The following RMDN2 variants were observed in gnomAD, a reference collection of about 807,000 sequenced individuals.
RMDN2 encodes the protein regulator of microtubule dynamics protein 2.
A neutral mutation model predicts 52.8 loss-of-function variants in RMDN2; 61 were observed. The ratio of observed to expected loss-of-function variants is 1.16; its 90% CI spans 0.94 to 1.43. The LOEUF is 1.43. Among genes scored for constraint, RMDN2 ranks in the 40% most tolerant of loss-of-function variants. RMDN2 has a pLI of 0.00. For synonymous variants in RMDN2, 180 were observed against 153.1 expected, an observed-to-expected ratio of 1.18 and a Z score of -1.30; for missense variants, 592 against 475.3, an observed-to-expected ratio of 1.25 and a Z score of -2.28.
At chr2:38,009,039 C>G (rs931894535) in intron 10 of RMDN2, among the ~76,000 whole-genome samples, 12 of 152,208 alleles carry the variant, frequency 7.9e-5, no homozygotes, top group Admixed American at 3.3e-4. Flanking sequence ...GGCCCCCACT[C>G]TCTTCTGGCT....
chr2:38,021,356 G>A (rs921152426), downstream of RMDN2, among the ~76,000 whole-genome samples: 3 of 152,240 alleles, frequency 2.0e-5, no homozygotes, highest in South Asian at 2.1e-4. Context: ...AAAGGCTGCC[G>A]GAACCAGCAG....
chr2:38,026,232 C>T (rs1679772215), intron 10 of RMDN2, among the ~76,000 whole-genome samples: 1 of 152,080 alleles, frequency 6.6e-6, no homozygotes, highest in Non-Finnish European at 1.5e-5. Flanking sequence ...TTTAAGTTGT[C>T]AAATTTGTTG....
intron 4 of RMDN2, chr2:37,976,387 T>G (rs1291960114): frequency 1.3e-5 from 2 of 152,248 alleles, no homozygotes; most frequent in Non-Finnish European, 2.9e-5. Flanking sequence ...AATTCTTCAT[T>G]TATTCCGAAG....
At chr2:38,026,761 C>A (rs1163583831) in intron 10 of RMDN2, among the ~76,000 whole-genome samples, 3 of 152,138 alleles carry the variant, frequency 2.0e-5, no homozygotes, top group Admixed American at 6.5e-5. Context: ...TAGTCCACTT[C>A]CTTTCTACTA....
intron 2 of RMDN2, among the ~76,000 whole-genome samples, chr2:37,942,709 C>G (rs1028835737): frequency 4.6e-5 from 7 of 152,152 alleles, no homozygotes; most frequent in Non-Finnish European, 7.3e-5. Flanking sequence ...ATTTAGTCCT[C>G]TCCTATGAAT....
chr2:37,957,593 T>A (rs1669647813), intron 2 of RMDN2, among the ~76,000 whole-genome samples: 1 of 152,184 alleles, frequency 6.6e-6, no homozygotes, highest in Admixed American at 6.5e-5. Context: ...ATTCTGTAGG[T>A]TGCCTGTTCA....
intron 10 of RMDN2, among the ~76,000 whole-genome samples, chr2:38,012,941 G>A (rs1439894626): frequency 1.3e-5 from 2 of 152,180 alleles, no homozygotes; most frequent in Non-Finnish European, 2.9e-5. Flanking sequence ...CATGTCTTCT[G>A]TCCCCTATTA....
chr2:37,979,568 CA>C (rs1673030788), intron 4 of RMDN2, among the ~76,000 whole-genome samples: 1 of 152,172 alleles, frequency 6.6e-6, no homozygotes. Context: ...TATCATTATG[CA>C]GTATGTTTCT....
At chr2:37,939,565 C>T (rs535794890) in intron 2 of RMDN2, among the ~76,000 whole-genome samples, 1 of 152,274 alleles carries the variant, frequency 6.6e-6, no homozygotes, top group East Asian at 1.9e-4. Context: ...CTTTATGAAT[C>T]TGGGTGCTCT....
At chr2:38,007,861 C>G (rs751477003) in intron 10 of RMDN2, among the ~76,000 whole-genome samples, 3 of 152,156 alleles carry the variant, frequency 2.0e-5, no homozygotes, top group Non-Finnish European at 4.4e-5. Context: ...AAATTTCCCT[C>G]TACACACTGC....
chr2:38,013,175 G>A (rs1325130715), intron 10 of RMDN2, among the ~76,000 whole-genome samples: 1 of 152,160 alleles, frequency 6.6e-6, no homozygotes, highest in Non-Finnish European at 1.5e-5. Context: ...GACAGTGTGA[G>A]AACGATTGCT....
intron 4 of RMDN2, among the ~76,000 whole-genome samples, chr2:37,977,498 G>A (rs187968483): frequency 0.13 from 19,937 of 151,504 alleles, 1,484 homozygotes; most frequent in Non-Finnish European, 0.17. Flanking sequence ...GGCGGCTGCC[G>A]GGCGGAGACG....
At chr2:37,930,992 C>T (rs114221817) in intron 2 of RMDN2, among the ~76,000 whole-genome samples, 33 of 151,632 alleles carry the variant, frequency 2.2e-4, no homozygotes, top group African/African-American at 6.3e-4. Context: ...ACAGGCCCAG[C>T]GCTGCTACCC....
At chr2:37,938,403 G>T (rs954339175) in intron 2 of RMDN2, among the ~76,000 whole-genome samples, 1 of 152,044 alleles carries the variant, frequency 6.6e-6, no homozygotes, top group Admixed American at 6.6e-5. Context: ...GATGATGCTG[G>T]CCTCATAAAA....
intron 10 of RMDN2, among the ~76,000 whole-genome samples, chr2:38,035,670 A>G (rs1680526033): frequency 6.6e-6 from 1 of 152,260 alleles, no homozygotes; most frequent in Non-Finnish European, 1.5e-5. Flanking sequence ...GAGTTATTCA[A>G]TAAATGAGTC....
intron 2 of RMDN2, among the ~76,000 whole-genome samples, chr2:37,944,862 T>C (rs1668093015): frequency 6.6e-6 from 1 of 152,162 alleles, no homozygotes; most frequent in African/African-American, 2.4e-5. Context: ...TGAGCGTATT[T>C]ATGGGCCACA....
At chr2:38,020,893 C>T (rs761444334), downstream of RMDN2, among the ~76,000 whole-genome samples, 3 of 152,186 alleles carry the variant, frequency 2.0e-5, no homozygotes, top group Non-Finnish European at 2.9e-5. Flanking sequence ...CTGAGGAGTG[C>T]GGCGCACGGT....
chr2:38,026,962 AT>A (rs1373572615), intron 10 of RMDN2: 1 of 151,872 alleles, frequency 6.6e-6, no homozygotes, highest in African/African-American at 2.4e-5. Flanking sequence ...TCTTTCTGTA[AT>A]TGATTTCTAA....
At chr2:38,016,573 A>C (rs17412126) in intron 10 of RMDN2, among the ~76,000 whole-genome samples, 1 of 152,206 alleles carries the variant, frequency 6.6e-6, no homozygotes, top group Non-Finnish European at 1.5e-5. Context: ...CACCTTAGTC[A>C]TAATGAGACA....
Sources: allele counts gnomAD v4.1 joint callset (sites outside exome capture counted in the v4.1 genomes callset), GRCh38; gene constraint gnomAD v4.1.1; transcripts MANE v1.5; gene names NCBI Gene and HGNC (gene_info 2026-07-23, HGNC 2026-07-21).